Variants in NARS2 observed in about 807,000 individuals in gnomAD.
NARS2 encodes asparaginyl-tRNA synthetase.
NARS2 carries 60 observed loss-of-function variants against 62.9 expected under a neutral mutation model. The ratio of observed to expected loss-of-function variants is 0.95; its 90% confidence interval spans 0.77 to 1.18. NARS2 has a LOEUF of 1.18. NARS2 is among the 50% of genes most tolerant of loss of function. The pLI is 0.00. For missense variants in NARS2, 619 were observed against 576.4 expected (o/e 1.07, Z -0.76); for synonymous variants, 196 against 200.0 (o/e 0.98, Z 0.17).
intron 6 of NARS2, among the ~76,000 whole-genome samples, chr11:78,498,633 G>A (rs931207984): frequency 2.9e-4 from 43 of 147,988 alleles, no homozygotes; most frequent in African/African-American, 9.7e-4. Flanking sequence ...GATTTCAGTC[G>A]TCTCCCAACC....
chr11:78,446,790 T>A (rs1292088101), intron 11 of NARS2, among the ~76,000 whole-genome samples: 2 of 152,106 alleles, frequency 1.3e-5, no homozygotes, highest in East Asian at 3.9e-4. Context: ...GGGCAATGAT[T>A]TTTTTGGAGA....
At chr11:78,438,225 C>G (rs1382895405) in intron 13 of NARS2, among the ~76,000 whole-genome samples, 1 of 151,856 alleles carries the variant, frequency 6.6e-6, no homozygotes, top group Non-Finnish European at 1.5e-5. Context: ...TAACTCCAAA[C>G]AGATGAGTTG....
intron 5 of NARS2, among the ~76,000 whole-genome samples, chr11:78,548,779 G>A (rs375951106): frequency 3.7e-4 from 57 of 152,092 alleles, no homozygotes; most frequent in East Asian, 2.3e-3. Context: ...AGTGAAATGC[G>A]TAAATGTTAT....
intron 11 of NARS2, among the ~76,000 whole-genome samples, chr11:78,452,770 C>T (rs1276035213): frequency 1.3e-5 from 2 of 152,066 alleles, no homozygotes; most frequent in East Asian, 1.9e-4. Context: ...TTCAGCCTTC[C>T]TATATTACTC....
intron 6 of NARS2, among the ~76,000 whole-genome samples, chr11:78,526,132 A>T (rs557992480): frequency 6.6e-6 from 1 of 152,180 alleles, no homozygotes; most frequent in Non-Finnish European, 1.5e-5. Context: ...TAGTAATGTG[A>T]TAACATTTAA....
intron 5 of NARS2, among the ~76,000 whole-genome samples, chr11:78,551,237 G>A (rs1856095176): frequency 6.6e-6 from 1 of 152,182 alleles, no homozygotes; most frequent in South Asian, 2.1e-4. Context: ...TGCATCACTA[G>A]GTAATTTCAC....
chr11:78,510,788 C>T (rs146164779), intron 6 of NARS2, among the ~76,000 whole-genome samples: 1,996 of 152,150 alleles, frequency 0.013, 33 homozygotes, highest in Non-Finnish European at 0.018. Flanking sequence ...AAAAAGAGAA[C>T]GAATTAACAA....
Position 78,574,768 on chromosome 11 carries a change from C to G in NARS2, c.-280G>C. 1 of 431,340 alleles carries G rather than the reference C, an allele frequency of 2.3e-6. No homozygotes were observed. Among genetic ancestry groups the G allele is most frequent in the Non-Finnish European group, 4.1e-6 (1 of 240,976 alleles). The allele number at this position is 431,340 out of a possible 1,614,324, so 26.7% of individuals were successfully genotyped here. ...AGTTGGCAGCTGGGGCGCCCCACTACCCGCGACAATTGTAAACCTACGAAC... is the reference window on the plus strand; with the variant it reads ...AGTTGGCAGCTGGGGCGCCCCACTAGCCGCGACAATTGTAAACCTACGAAC... On this transcript the variant is annotated 5_prime_UTR_variant, in exon 1 of 14. Transcript: ENST00000281038.
chr11:78,567,121 G>A (rs774308449), intron 3 of NARS2, among the ~76,000 whole-genome samples: 1 of 152,168 alleles, frequency 6.6e-6, no homozygotes, highest in Non-Finnish European at 1.5e-5. Flanking sequence ...GGGCTTCAGG[G>A]AAGATGAAGC....
intron 12 of NARS2, among the ~76,000 whole-genome samples, chr11:78,442,636 T>C (rs1245984783): frequency 4.0e-5 from 6 of 151,434 alleles, no homozygotes; most frequent in Non-Finnish European, 7.4e-5. Flanking sequence ...TTTTTTTTTT[T>C]AAGTCTGGCA....
rs150177370 is a variant in NARS2, at chr11:78,535,051, A to G, written c.595-6115T>C. ...AAAGCCTAAACACAGACTTTCACAT[A>G]TAAAAGTATTATATCAAATCAGTGA... On this transcript the variant is annotated intron_variant, in intron 5 of 13. Coordinates refer to ENST00000281038, the MANE Select transcript of NARS2 (RefSeq NM_024678.6). 1.2e-3 allele frequency among the ~76,000 whole-genome samples: 185 copies of G among 152,354 alleles called. 1 individual carries two copies. The highest frequency in any genetic ancestry group is 4.2e-3 in the African/African-American group (175 of 41,578).
intron 5 of NARS2, among the ~76,000 whole-genome samples, chr11:78,549,418 A>G (rs1463251589): frequency 6.6e-6 from 1 of 152,216 alleles, no homozygotes; most frequent in Non-Finnish European, 1.5e-5. Context: ...AAAGGAACTG[A>G]CTTCATTGCA....
intron 11 of NARS2, among the ~76,000 whole-genome samples, chr11:78,455,598 C>T (rs1436892641): frequency 6.6e-6 from 1 of 151,926 alleles, no homozygotes; most frequent in Non-Finnish European, 1.5e-5. Context: ...GACTATGATC[C>T]CCTGAGAATA....
At chr11:78,524,169 T>C (rs962521282) in intron 6 of NARS2, among the ~76,000 whole-genome samples, 51 of 152,248 alleles carry the variant, frequency 3.3e-4, no homozygotes, top group African/African-American at 1.2e-3. Context: ...AGATGATAAA[T>C]GATGATGACT....
chr11:78,455,561 C>G (rs1858129902), intron 11 of NARS2, among the ~76,000 whole-genome samples: 1 of 152,110 alleles, frequency 6.6e-6, no homozygotes, highest in Non-Finnish European at 1.5e-5. Context: ...AAAGTAACCT[C>G]TTTCCTGACC....
Position 78,465,884 on chromosome 11 carries a change from G to C in NARS2, c.1156C>G (p.Gln386Glu). 3.1e-6 allele frequency: 5 copies of C among 1,614,172 alleles called. No homozygotes were observed. The highest frequency in any genetic ancestry group is 3.4e-6 in the Non-Finnish European group (4 of 1,180,010). The change falls in exon 11 of 14, where the codon CAG becomes GAG. Residue 386 changes from glutamine (Q) to glutamate (E), a missense_variant. Transcript: ENST00000281038. ...TTAGTATCTCTTCTTACCGTGTGCT[G>C]AGGGCCATCTTCATTATCCCTCATG... ...FYMRDNEDGPQHTVAAVDLLV... is the reference protein window; with the variant it reads ...FYMRDNEDGPEHTVAAVDLLV...
chr11:78,472,236 C>A (rs1181540630), intron 9 of NARS2, among the ~76,000 whole-genome samples: 2 of 152,154 alleles, frequency 1.3e-5, no homozygotes, highest in Non-Finnish European at 2.9e-5. Context: ...AAAATAATAT[C>A]TCTTCTCCTT....
At chr11:78,530,195 G>A (rs1861428101) in intron 5 of NARS2, among the ~76,000 whole-genome samples, 1 of 151,568 alleles carries the variant, frequency 6.6e-6, no homozygotes. Flanking sequence ...CATTATCAAT[G>A]AAAGGGTATT....
intron 4 of NARS2, among the ~76,000 whole-genome samples, chr11:78,561,222 G>A (rs1025191491): frequency 2.6e-5 from 4 of 152,132 alleles, no homozygotes; most frequent in Non-Finnish European, 4.4e-5. Context: ...AGTTCCTAAC[G>A]TTACCAAATG....
Sources: gnomAD v4.1 joint callset for allele counts (sites outside exome capture counted in the v4.1 genomes callset) on GRCh38, gnomAD v4.1.1 for gene constraint, MANE v1.5 for transcripts, NCBI Gene and HGNC (gene_info 2026-07-23, HGNC 2026-07-21) for gene names.